The following ADAMTS17 variants were observed in gnomAD, a reference collection of about 807,000 sequenced individuals.
ADAMTS17 encodes ADAM metallopeptidase with thrombospondin type 1 motif 17.
In ADAMTS17, 113 loss-of-function variants were observed where a neutral mutation model predicts 141.5. The observed-to-expected ratio is 0.80, with a 90% confidence interval of 0.69 to 0.93. ADAMTS17 has a LOEUF of 0.93. Among genes scored for constraint, ADAMTS17 ranks in the 40% least tolerant of loss-of-function variants. ADAMTS17 has a pLI of 0.00. For missense variants in ADAMTS17, 1,659 were observed against 1,517.9 expected (o/e 1.09, Z -1.54); for synonymous variants, 768 against 630.6 (o/e 1.22, Z -3.27).
At chr15:100,034,987 A>G (rs1034120644) in intron 18 of ADAMTS17, among the ~76,000 whole-genome samples, 1 of 152,236 alleles carries the variant, frequency 6.6e-6, no homozygotes, top group African/African-American at 2.4e-5. Flanking sequence ...CCTTCCTTGG[A>G]AAAGGAGAAC....
chr15:100,265,752 T>C (rs1315005233), intron 4 of ADAMTS17, among the ~76,000 whole-genome samples: 1 of 152,196 alleles, frequency 6.6e-6, no homozygotes, highest in Non-Finnish European at 1.5e-5. Flanking sequence ...CATACACTGC[T>C]ATTAAGACCC....
chr15:100,255,775 C>A (rs955355291), intron 6 of ADAMTS17, among the ~76,000 whole-genome samples: 1 of 152,174 alleles, frequency 6.6e-6, no homozygotes, highest in Non-Finnish European at 1.5e-5. Context: ...GAAGTGAAGC[C>A]GCAGGCCAAG....
intron 6 of ADAMTS17, among the ~76,000 whole-genome samples, chr15:100,260,716 T>A (rs766199152): frequency 2.2e-4 from 33 of 152,136 alleles, no homozygotes; most frequent in Non-Finnish European, 4.3e-4. Context: ...AGTTCTCCCT[T>A]CCACAACTTT....
intron 8 of ADAMTS17, among the ~76,000 whole-genome samples, chr15:100,179,822 C>T (rs1327951047): frequency 1.3e-5 from 2 of 152,086 alleles, no homozygotes; most frequent in East Asian, 1.9e-4. Context: ...ATTTGTATGT[C>T]TTCTTTTGAA....
intron 8 of ADAMTS17, among the ~76,000 whole-genome samples, chr15:100,158,787 A>G (rs567095483): frequency 1.1e-4 from 17 of 152,234 alleles, no homozygotes; most frequent in Non-Finnish European, 2.2e-4. Context: ...AAAAACTAAC[A>G]ACCCAGTTAA....
intron 14 of ADAMTS17, among the ~76,000 whole-genome samples, chr15:100,105,576 C>A (rs909242060): frequency 1.3e-5 from 2 of 152,124 alleles, no homozygotes; most frequent in African/African-American, 4.8e-5. Context: ...TTCATACCAA[C>A]GTGATAGTAT....
chr15:100,067,589 T>G (rs2033632921), intron 15 of ADAMTS17, among the ~76,000 whole-genome samples: 1 of 152,238 alleles, frequency 6.6e-6, no homozygotes, highest in Non-Finnish European at 1.5e-5. Flanking sequence ...CTATTTGGTT[T>G]TCTTTTGAAC....
rs1003152383 is a variant in ADAMTS17 at position 99,993,754 on chromosome 15, A to G, written c.2797-554T>C. On this transcript the variant is annotated intron_variant, in intron 19 of 21. Coordinates refer to ENST00000268070, the MANE Select transcript of ADAMTS17 (RefSeq NM_139057.4). This position sits in a 1 kb window ranked among gnomAD's most constrained non-coding sequence, Gnocchi z 4.3. ...GATGACTTTCTCGTGAGGCAGGTGG[A>G]AAGCCTTTGCAGAGAGCTCCAGTGA... 6.6e-6 allele frequency among the ~76,000 whole-genome samples: 1 copy of G among 152,228 alleles called. No homozygotes were observed. The highest frequency in any genetic ancestry group is 1.5e-5 in the Non-Finnish European group (1 of 68,036).
intron 12 of ADAMTS17, chr15:100,129,801 A>C (rs1004768851): frequency 6.6e-6 from 1 of 152,270 alleles, no homozygotes; most frequent in African/African-American, 2.4e-5. Context: ...CTGGCTTTGA[A>C]GCCTGGCTCT....
chr15:100,078,525 A>T (rs1237878126), intron 15 of ADAMTS17, among the ~76,000 whole-genome samples: 1 of 151,940 alleles, frequency 6.6e-6, no homozygotes, highest in Non-Finnish European at 1.5e-5. Flanking sequence ...ATGCGAAAGG[A>T]TGAAGTTGTA....
At chr15:100,017,988 G>A (rs973671314) in intron 18 of ADAMTS17, among the ~76,000 whole-genome samples, 4 of 152,036 alleles carry the variant, frequency 2.6e-5, no homozygotes, top group African/African-American at 9.7e-5. Context: ...TTAAATTATT[G>A]TATAGACACC....
At chr15:100,176,234 A>G (rs1596192228) in intron 8 of ADAMTS17, among the ~76,000 whole-genome samples, 1 of 152,246 alleles carries the variant, frequency 6.6e-6, no homozygotes, top group South Asian at 2.1e-4. Context: ...ATGGTGCTTC[A>G]AACAGTACAT....
intron 7 of ADAMTS17, among the ~76,000 whole-genome samples, chr15:100,201,338 C>T (rs569199647): frequency 6.6e-6 from 1 of 151,998 alleles, no homozygotes; most frequent in Non-Finnish European, 1.5e-5. Flanking sequence ...TCCCCTCCCC[C>T]CTCTCTCCTG....
intron 12 of ADAMTS17, chr15:100,128,614 TGAA>T (rs760127894): frequency 1.3e-5 from 2 of 152,106 alleles, no homozygotes. Flanking sequence ...GAGGACCTGA[TGAA>T]GAAGAAGAGT....
At chr15:100,306,323 T>C in intron 3 of ADAMTS17, 1 of 367,142 alleles carries the variant, frequency 2.7e-6, no homozygotes, top group Non-Finnish European at 5.4e-6. Flanking sequence ...TTTCTGAGGC[T>C]GATCCTCAAA....
intron 8 of ADAMTS17, among the ~76,000 whole-genome samples, chr15:100,193,783 G>A (rs1000048128): frequency 2.0e-5 from 3 of 152,194 alleles, no homozygotes; most frequent in African/African-American, 4.8e-5. Flanking sequence ...TACAGGAGAG[G>A]TCAACTCCAG....
At chr15:100,238,498 T>C (rs1302523847) in intron 7 of ADAMTS17, among the ~76,000 whole-genome samples, 1 of 152,184 alleles carries the variant, frequency 6.6e-6, no homozygotes, top group Non-Finnish European at 1.5e-5. Flanking sequence ...AAGCAGAATG[T>C]CGGTGAGGAC....
intron 15 of ADAMTS17, among the ~76,000 whole-genome samples, chr15:100,083,167 G>A (rs992430691): frequency 8.5e-5 from 13 of 152,180 alleles, no homozygotes; most frequent in African/African-American, 3.1e-4. Flanking sequence ...GCACCTCAGG[G>A]CCTGGTTTGC....
At chr15:100,331,129 G>A (rs2046041483) in intron 2 of ADAMTS17, 75 bp from the exon 3 acceptor site, 9 of 1,574,284 alleles carry the variant, frequency 5.7e-6, no homozygotes, top group Non-Finnish European at 7.8e-6. Flanking sequence ...CGGAGGGGCA[G>A]GCAAGACCAC....
Sources: allele counts gnomAD v4.1 joint callset (sites outside exome capture counted in the v4.1 genomes callset), GRCh38; gene constraint gnomAD v4.1.1; non-coding constraint Gnocchi (gnomAD v3.1); transcripts MANE v1.5; gene names NCBI Gene and HGNC (gene_info 2026-07-23, HGNC 2026-07-21).